PCDHA13: variants seen among roughly 807,000 people sequenced by gnomAD.
PCDHA13 encodes the protein protocadherin alpha 13, also known as protocadherin alpha-13.
A neutral mutation model predicts 64.8 loss-of-function variants in PCDHA13; 54 were observed. The observed-to-expected ratio is 0.83, with a 90% CI of 0.67 to 1.04. PCDHA13 has a LOEUF of 1.04. PCDHA13 is among the 50% of genes least tolerant of loss of function. PCDHA13 has a pLI of 0.00. For missense variants in PCDHA13, 1,248 were observed against 1,254.3 expected (o/e 0.99, Z 0.08); for synonymous variants, 587 against 564.4 (o/e 1.04, Z -0.57).
intron 1 of PCDHA13, among the ~76,000 whole-genome samples, chr5:140,933,676 A>AT (rs1400784175): frequency 6.6e-6 from 1 of 151,552 alleles, no homozygotes; most frequent in Non-Finnish European, 1.5e-5. Context: ...TCTCTCTCAC[A>AT]TTTTTTTTCC....
chr5:140,957,694 C>T (rs269548), intron 1 of PCDHA13, among the ~76,000 whole-genome samples: 31,397 of 151,782 alleles, frequency 0.21, 4,012 homozygotes, highest in African/African-American at 0.36. Flanking sequence ...AGACAATGAA[C>T]ATTATGTAGT....
chr5:140,895,995 G>A (rs2065293379), intron 1 of PCDHA13, among the ~76,000 whole-genome samples: 1 of 152,058 alleles, frequency 6.6e-6, no homozygotes, highest in Non-Finnish European at 1.5e-5. Flanking sequence ...ATTTTAAGTA[G>A]AGACAGGGTT....
intron 1 of PCDHA13, among the ~76,000 whole-genome samples, chr5:140,907,337 A>G (rs2073315694): frequency 6.6e-6 from 1 of 152,210 alleles, no homozygotes; most frequent in Non-Finnish European, 1.5e-5. Flanking sequence ...TTCCATATGC[A>G]TGAGCCCGCT....
chr5:140,928,821 C>A (rs2085565750), intron 1 of PCDHA13: 3 of 1,614,142 alleles, frequency 1.9e-6, no homozygotes, highest in Non-Finnish European at 2.5e-6. Context: ...ACCATGGAGA[C>A]CCACCACTTT....
chr5:141,007,107 A>G (rs1162403610), intron 3 of PCDHA13, among the ~76,000 whole-genome samples: 1 of 152,190 alleles, frequency 6.6e-6, no homozygotes, highest in Non-Finnish European at 1.5e-5. Context: ...GCCAAACCCA[A>G]GGAAGCTTCA....
In PCDHA13 at chr5:140,884,465, G is replaced by A. The variant is rs782791774; in HGVS notation, c.2197G>A (p.Ala733Thr). 8.1e-6 allele frequency: 13 copies of A among 1,613,634 alleles called. No homozygotes were observed. In the South Asian group the frequency reaches 9.9e-5, roughly 12 times the overall value. ...GGCACCGCCCACCGAGGGCGCGTGCGCGCCGGGCAAGCCCACTCTAGTGTG... is the reference window on the plus strand; with the variant it reads ...GGCACCGCCCACCGAGGGCGCGTGCACGCCGGGCAAGCCCACTCTAGTGTG... Reference protein sequence around the residue: ...CSAPPTEGACAPGKPTLVCSS... With the variant: ...CSAPPTEGACTPGKPTLVCSS... Residue 733 changes from alanine to threonine, a missense_variant, in exon 1 of 4, where the codon GCG becomes ACG. By Grantham distance (58) the Ala-to-Thr change is moderately conservative. Coordinates refer to ENST00000289272, the MANE Select transcript of PCDHA13 (RefSeq NM_018904.3).
At chr5:140,986,852 A>G (rs889945842) in intron 3 of PCDHA13, among the ~76,000 whole-genome samples, 1 of 152,190 alleles carries the variant, frequency 6.6e-6, no homozygotes, top group Admixed American at 6.5e-5. Flanking sequence ...CAGCAACACC[A>G]ACAATACCCG....
At chr5:140,920,855 A>AC (rs1163764054) in intron 1 of PCDHA13, among the ~76,000 whole-genome samples, 5 of 151,976 alleles carry the variant, frequency 3.3e-5, no homozygotes, top group African/African-American at 4.8e-5. Context: ...AAAAAAAAAA[A>AC]AAACAAACAA....
At chr5:140,968,187 A>G in intron 1 of PCDHA13, 3 of 1,614,064 alleles carry the variant, frequency 1.9e-6, no homozygotes, top group Non-Finnish European at 2.5e-6. Context: ...GAGGACTCCT[A>G]TTCCATCTAC....
intron 1 of PCDHA13, chr5:140,966,556 A>C (rs2096021446): frequency 8.5e-6 from 4 of 469,720 alleles, no homozygotes; most frequent in Admixed American, 8.7e-5. Context: ...CGAGCGGAGG[A>C]GCTGGAATAT....
intron 1 of PCDHA13, chr5:140,967,785 G>C: frequency 6.2e-7 from 1 of 1,614,176 alleles, no homozygotes; most frequent in Non-Finnish European, 8.5e-7. Flanking sequence ...GCGACTGACC[G>C]GGGTCCAGTG....
intron 1 of PCDHA13, chr5:140,927,546 A>G (rs1554204713): frequency 6.2e-7 from 1 of 1,614,146 alleles, no homozygotes; most frequent in Non-Finnish European, 8.5e-7. Flanking sequence ...GAGACGCACA[A>G]GTCACCATCA....
rs142150910 is a variant in PCDHA13, at chr5:140,945,405, C to T, written c.2395-33544C>T. ...AGCAATATACAAATTCAATACAATTCGTATCAAAATTTCAATGAAGTTTTT... is the reference window on the plus strand; with the variant it reads ...AGCAATATACAAATTCAATACAATTTGTATCAAAATTTCAATGAAGTTTTT... On this transcript the variant is annotated intron_variant, in intron 1 of 3. Transcript: ENST00000289272. Among the ~76,000 whole-genome samples, 454 of 152,016 alleles carry T rather than the reference C, an allele frequency of 3.0e-3. 3 individuals are homozygous for T. Among genetic ancestry groups the T allele is most frequent in the African/African-American group, 9.6e-3 (400 of 41,488 alleles).
chr5:140,928,854 G>A (rs2085594573), intron 1 of PCDHA13: 1 of 1,614,178 alleles, frequency 6.2e-7, no homozygotes, highest in Non-Finnish European at 8.5e-7. Context: ...CTCTGGGTGT[G>A]CTGTTGAGCA....
chr5:140,924,253 A>G (rs550218351), intron 1 of PCDHA13, among the ~76,000 whole-genome samples: 1 of 152,212 alleles, frequency 6.6e-6, no homozygotes, highest in African/African-American at 2.4e-5. Context: ...TCCTGGTGAG[A>G]TCTAATGAGG....
chr5:140,967,079 A>G (rs2096093467), intron 1 of PCDHA13: 10 of 1,613,252 alleles, frequency 6.2e-6, no homozygotes, highest in Non-Finnish European at 8.5e-6. Flanking sequence ...CAACGAGCGC[A>G]TTGATCGGGA....
At chr5:140,982,191 T>C (rs1431582069) in intron 2 of PCDHA13, among the ~76,000 whole-genome samples, 2 of 152,266 alleles carry the variant, frequency 1.3e-5, no homozygotes, top group Non-Finnish European at 2.9e-5. Flanking sequence ...ATGGGCTTCC[T>C]GTTAGATTTA....
chr5:140,940,635 TC>T (rs2092658903), intron 1 of PCDHA13, among the ~76,000 whole-genome samples: 1 of 152,214 alleles, frequency 6.6e-6, no homozygotes, highest in African/African-American at 2.4e-5. Context: ...CTTAAGCTTG[TC>T]ATTTATTTAT....
At chr5:140,993,198 A>C (rs1554253472) in intron 3 of PCDHA13, among the ~76,000 whole-genome samples, 1 of 151,946 alleles carries the variant, frequency 6.6e-6, no homozygotes, top group African/African-American at 2.4e-5. Context: ...AACTCACTAA[A>C]GCTAATTTTT....
Sources: allele counts gnomAD v4.1 joint callset (sites outside exome capture counted in the v4.1 genomes callset), GRCh38; gene constraint gnomAD v4.1.1; transcripts MANE v1.5; gene names NCBI Gene and HGNC (gene_info 2026-07-23, HGNC 2026-07-21).